CCNYL1: variants seen among roughly 807,000 people sequenced by gnomAD.
The protein encoded by CCNYL1 is cyclin Y like 1, also known as cyclin-Y-like protein 1.
Under a neutral mutation model 44.2 loss-of-function variants are expected in CCNYL1, and 16 were observed. The ratio of observed to expected loss-of-function variants is 0.36; its 90% CI spans 0.25 to 0.55. The LOEUF is 0.55. Ranked by LOEUF, CCNYL1 falls within the 20% of genes least tolerant of loss-of-function variation. The pLI, the probability that CCNYL1 is intolerant of heterozygous loss-of-function variation, is 0.85. For missense variants in CCNYL1, 348 were observed against 451.8 expected, an observed-to-expected ratio of 0.77 and a Z score of 2.08; for synonymous variants, 159 against 163.2, an observed-to-expected ratio of 0.97 and a Z score of 0.20.
chr2:207,755,121 G>C lies in CCNYL1; in HGVS notation c.*1423G>C, dbSNP rs1412710375. The C allele has an allele frequency of 6.6e-6, 1 of 152,052 alleles. No individual in the cohort carries two copies. The highest frequency in any genetic ancestry group is 1.5e-5 in the Non-Finnish European group (1 of 68,034). The allele number at this position is 152,052 out of a possible 1,614,324, so 9.4% of individuals were successfully genotyped here. A position where few individuals can be genotyped will look rare whatever the true frequency, so the allele number is the denominator to read the frequency against. On this transcript the variant is annotated 3_prime_UTR_variant, in exon 10 of 10. Coordinates refer to ENST00000295414, the MANE Select transcript of CCNYL1 (RefSeq NM_001330218.2). ...GGGCTGGGCATAGTGATTCATGCCTGTAATCTCAGTACCCTGGGAGGCTGA... is the reference window on the plus strand; with the variant it reads ...GGGCTGGGCATAGTGATTCATGCCTCTAATCTCAGTACCCTGGGAGGCTGA...
In CCNYL1 at chr2:207,743,907, G is replaced by A. The variant is rs532095680; in HGVS notation, c.639+1565G>A. Among the ~76,000 whole-genome samples, 15 of 152,216 alleles carry A rather than the reference G, an allele frequency of 9.9e-5. No individual in the cohort carries two copies. The East Asian group carries it at 1.2e-3, about 12-fold the overall frequency. ...AGGCTGGTCTCAGAACTGACCTCAG[G>A]TGATCCTGCCAGAGTGTTGGGATTA... On this transcript the variant is annotated intron_variant, in intron 7 of 9. Transcript: ENST00000295414.
intron 9 of CCNYL1, among the ~76,000 whole-genome samples, chr2:207,753,151 C>T (rs2091906807): frequency 6.6e-6 from 1 of 152,154 alleles, no homozygotes; most frequent in Non-Finnish European, 1.5e-5. Flanking sequence ...CCAGCACACA[C>T]CTGCCTCATT....
intron 1 of CCNYL1, among the ~76,000 whole-genome samples, chr2:207,720,949 A>G (rs762596742): frequency 6.7e-6 from 1 of 150,062 alleles, no homozygotes; most frequent in Non-Finnish European, 1.5e-5. Context: ...AAAGCAAGGC[A>G]TGAGTGAGCA....
chr2:207,730,922 A>G (rs549230531), intron 3 of CCNYL1, among the ~76,000 whole-genome samples: 2 of 152,142 alleles, frequency 1.3e-5, no homozygotes, highest in African/African-American at 2.4e-5. Context: ...TTTATGGTCA[A>G]TCTGCCATGT....
At chr2:207,729,384 A>G (rs13432250) in intron 3 of CCNYL1, among the ~76,000 whole-genome samples, 24,051 of 150,396 alleles carry the variant, frequency 0.16, 3,227 homozygotes, top group East Asian at 0.38. Flanking sequence ...ATCTTTTTGA[A>G]GGTATTTTAA....
chr2:207,751,581 G>A (rs57779168), intron 9 of CCNYL1, among the ~76,000 whole-genome samples: 19,576 of 151,868 alleles, frequency 0.13, 2,195 homozygotes, highest in East Asian at 0.38. Flanking sequence ...CAGGCCGGGC[G>A]CGGTGGCTTA....
At chr2:207,719,480 T>C (rs1397524878) in intron 1 of CCNYL1, among the ~76,000 whole-genome samples, 1 of 152,084 alleles carries the variant, frequency 6.6e-6, no homozygotes, top group African/African-American at 2.4e-5. Flanking sequence ...TTTATATTTT[T>C]AGTAGAGAAG....
intron 5 of CCNYL1, among the ~76,000 whole-genome samples, chr2:207,738,560 T>C (rs943034483): frequency 6.6e-6 from 1 of 152,070 alleles, no homozygotes; most frequent in Non-Finnish European, 1.5e-5. Flanking sequence ...CAAGTGCTAG[T>C]TTCTTAAAAT....
At chr2:207,738,834 C>G (rs151167180) in intron 5 of CCNYL1, among the ~76,000 whole-genome samples, 8 of 152,250 alleles carry the variant, frequency 5.3e-5, no homozygotes, top group Admixed American at 2.6e-4. Flanking sequence ...ATTCTCCTGT[C>G]TCAACCTCCC....
At chr2:207,720,187 CAAAAAAAAAAAA>C (rs747214958) in intron 1 of CCNYL1, among the ~76,000 whole-genome samples, 5 of 57,904 alleles carry the variant, frequency 8.6e-5, no homozygotes, top group Admixed American at 2.4e-4. Flanking sequence ...GACTCCGTCT[CAAAAAAAAAAAA>C]AAAAAAAAAA....
chr2:207,740,845 T>A, intron 6 of CCNYL1, 139 bp downstream of exon 6: 1 of 619,914 alleles, frequency 1.6e-6, no homozygotes, highest in Non-Finnish European at 2.8e-6. Context: ...TTAAATCAAT[T>A]AAAATGGTGT....
At chr2:207,740,580 AC>A in intron 5 of CCNYL1, 74 bp from the exon 6 acceptor site, 1 of 998,128 alleles carries the variant, frequency 1.0e-6, no homozygotes. Flanking sequence ...ATCTCCCGCC[AC>A]CCCCAGCAGA....
rs2091668591 is a variant in CCNYL1, at chr2:207,724,888, G to GT, written c.295+20dup. On this transcript the variant is annotated intron_variant, in intron 2 of 9. Transcript: ENST00000295414. The stretch of plus-strand genomic sequence containing the variant: ...CTCAAACGGATGGTAAGACAATACT[G>GT]TTTTTTCCTTCCAAGGAAAAGACTG... 1.3e-6 allele frequency: 2 copies of GT among 1,589,294 alleles called. No individual in the cohort carries two copies. The highest frequency in any genetic ancestry group is 1.4e-5 in the African/African-American group (1 of 74,034).
chr2:207,751,100 A>G lies in CCNYL1; in HGVS notation c.950A>G (p.Glu317Gly). Reference sequence around the variant, plus strand: ...TTTCTATTTGCTCCTCTTAGCAAAGAAAGAGCACAGAACCTAGAGGTAAGG... The same window carrying G: ...TTTCTATTTGCTCCTCTTAGCAAAGGAAGAGCACAGAACCTAGAGGTAAGG... The part of the protein sequence containing the change: ...LNFLFAPLSK[E>G]RAQNLEAISR... The change falls in exon 9 of 10, where the codon GAA (glutamate) becomes GGA (glycine). Residue 317 changes from glutamate to glycine, a missense_variant. By Grantham distance (98) the Glu-to-Gly change is moderately conservative (BLOSUM62 -2). Coordinates refer to ENST00000295414, the MANE Select transcript of CCNYL1 (RefSeq NM_001330218.2). 6.2e-7 allele frequency: 1 copy of G among 1,614,160 alleles called. No individual in the cohort carries two copies. The highest frequency in any genetic ancestry group is 8.5e-7 in the Non-Finnish European group (1 of 1,180,000).
intron 1 of CCNYL1, chr2:207,714,438 G>GGGCGTGT (rs1189366801): frequency 5.2e-6 from 2 of 383,616 alleles, no homozygotes; most frequent in Admixed American, 3.7e-5. Context: ...CTGGGACCAC[G>GGGCGTGT]GGCGTGTGCC....
intron 9 of CCNYL1, among the ~76,000 whole-genome samples, chr2:207,752,195 G>T (rs777206941): frequency 1.3e-4 from 20 of 152,110 alleles, no homozygotes; most frequent in Admixed American, 3.3e-4. Context: ...AGGATTAGTG[G>T]ATAAGCCAAG....
intron 1 of CCNYL1, among the ~76,000 whole-genome samples, chr2:207,719,657 A>G (rs1204549704): frequency 2.0e-5 from 3 of 152,194 alleles, no homozygotes; most frequent in Non-Finnish European, 2.9e-5. Context: ...GTTAGGTAGT[A>G]TAAGAATTAT....
chr2:207,724,421 C>T (rs971449990), intron 1 of CCNYL1, among the ~76,000 whole-genome samples: 2 of 152,226 alleles, frequency 1.3e-5, no homozygotes, highest in Non-Finnish European at 2.9e-5. Flanking sequence ...CTGGCCACAG[C>T]ATCACTTGCT....
chr2:207,742,395 G>C, intron 7 of CCNYL1, 53 bp downstream of exon 7: 1 of 1,481,578 alleles, frequency 6.7e-7, no homozygotes, highest in Non-Finnish European at 9.1e-7. Flanking sequence ...TTGTACACAG[G>C]GTATGGTCCT....
Sources: gnomAD v4.1 joint callset for allele counts (sites outside exome capture counted in the v4.1 genomes callset) on GRCh38, gnomAD v4.1.1 for gene constraint, MANE v1.5 for transcripts, NCBI Gene and HGNC (gene_info 2026-07-23, HGNC 2026-07-21) for gene names.